Variants in SNX3 observed in about 807,000 individuals in gnomAD.
SNX3 encodes the protein sorting nexin-3.
A neutral mutation model predicts 17.7 loss-of-function variants in SNX3; 5 were observed. The ratio of observed to expected loss-of-function variants is 0.28; its 90% CI spans 0.15 to 0.59. The LOEUF is 0.59. Among genes scored for constraint, SNX3 ranks in the 20% least tolerant of loss-of-function variants. The pLI is 0.88. For missense variants in SNX3, 132 were observed against 206.8 expected (o/e 0.64, Z 2.22); for synonymous variants, 91 against 76.5 (o/e 1.19, Z -0.99).
chr6:108,219,079 G>C lies in SNX3; in HGVS notation c.258+3871C>G, dbSNP rs180802702. Among the ~76,000 whole-genome samples, 118 of 152,306 alleles carry C rather than the reference G, an allele frequency of 7.7e-4. 1 individual carries two copies. The East Asian group carries it at 0.016, about 20-fold the overall frequency. On this transcript the variant is annotated intron_variant, in intron 2 of 3. Transcript: ENST00000230085. ...TACTAAAAACAAAAGCGGTCGGGCG[G>C]GGTGGCTCACGCCTGTAATCCCAGC...
At chr6:108,228,750 C>A (rs560578766) in intron 1 of SNX3, among the ~76,000 whole-genome samples, 210 of 152,050 alleles carry the variant, frequency 1.4e-3, no homozygotes, top group Non-Finnish European at 2.4e-3. Flanking sequence ...CTATTAAATA[C>A]ACATAACTTT....
In SNX3 at chr6:108,214,610, G is replaced by A. The variant is rs1347075391; in HGVS notation, c.271C>T (p.Pro91Ser). 1 of 1,611,772 alleles carries A rather than the reference G, an allele frequency of 6.2e-7. No homozygotes were observed. Among genetic ancestry groups the A allele is most frequent in the Non-Finnish European group, 8.5e-7 (1 of 1,179,490 alleles). Residue 91 changes from proline to serine, a missense_variant, in exon 3 of 4, where the codon CCG becomes TCG. Transcript: ENST00000230085. ...LERESKVVVP[P>S]LPGKAFLRQL... ...CGCAAAAACGCTTTCCCAGGGAGCGGGGGAACTACGACCTAAAATGTGAAG... is the reference window on the plus strand; with the variant it reads ...CGCAAAAACGCTTTCCCAGGGAGCGAGGGAACTACGACCTAAAATGTGAAG...
intron 2 of SNX3, among the ~76,000 whole-genome samples, chr6:108,221,430 T>C (rs1304274890): frequency 6.7e-6 from 1 of 149,624 alleles, no homozygotes; most frequent in Non-Finnish European, 1.5e-5. Context: ...CTGTAACTCC[T>C]AGAACACAAA....
At chr6:108,215,045 G>T (rs1774523709) in intron 2 of SNX3, among the ~76,000 whole-genome samples, 1 of 152,222 alleles carries the variant, frequency 6.6e-6, no homozygotes, top group Non-Finnish European at 1.5e-5. Context: ...TCTGCAACAT[G>T]GTTAGGTAAG....
chr6:108,255,634 A>G (rs1272926895), intron 1 of SNX3, among the ~76,000 whole-genome samples: 1 of 152,156 alleles, frequency 6.6e-6, no homozygotes, highest in Non-Finnish European at 1.5e-5. Flanking sequence ...TACATACAGG[A>G]GCCACCGTGC....
intron 1 of SNX3, among the ~76,000 whole-genome samples, chr6:108,226,026 A>G (rs1290988040): frequency 1.3e-5 from 2 of 149,184 alleles, no homozygotes; most frequent in Non-Finnish European, 3.0e-5. Context: ...AGCATGGGCA[A>G]CAAATGAGAC....
At chr6:108,238,067 A>G (rs1268988651) in intron 1 of SNX3, among the ~76,000 whole-genome samples, 1 of 143,172 alleles carries the variant, frequency 7.0e-6, no homozygotes, top group African/African-American at 2.7e-5. Context: ...GCACCACTGC[A>G]CTCCAGCCTG....
Position 108,223,621 on chromosome 6 carries a change from C to A in SNX3, c.163-576G>T, listed in dbSNP as rs145273105. 5.5e-3 allele frequency among the ~76,000 whole-genome samples: 828 copies of A among 151,286 alleles called. 8 individuals carry two copies. The highest frequency in any genetic ancestry group is 0.019 in the African/African-American group (798 of 40,982). ...CAAGTGATTCTCCTGCCTCAGCCTC[C>A]CAAGTAGCTGGGATTACAGGCACTC... is the stretch of plus-strand genomic sequence containing the variant. On this transcript the variant is annotated intron_variant, in intron 1 of 3. Transcript: ENST00000230085.
At chr6:108,229,804 G>A (rs1008401250) in intron 1 of SNX3, among the ~76,000 whole-genome samples, 1 of 152,180 alleles carries the variant, frequency 6.6e-6, no homozygotes, top group Non-Finnish European at 1.5e-5. Context: ...AAAGCATAGG[G>A]AATGATGGGA....
chr6:108,250,478 T>C (rs907779364), intron 1 of SNX3, among the ~76,000 whole-genome samples: 6 of 152,228 alleles, frequency 3.9e-5, no homozygotes, highest in Non-Finnish European at 7.3e-5. Flanking sequence ...TTTAAACTCC[T>C]CAGTGTCCTA....
intron 1 of SNX3, among the ~76,000 whole-genome samples, chr6:108,241,430 A>G (rs1419206293): frequency 6.6e-6 from 1 of 152,048 alleles, no homozygotes; most frequent in African/African-American, 2.4e-5. Flanking sequence ...CCAAGGTGGG[A>G]GGACTGCTTG....
chr6:108,252,066 A>AAAAT (rs1180234509), intron 1 of SNX3: 10 of 149,964 alleles, frequency 6.7e-5, no homozygotes, highest in South Asian at 2.1e-4. Flanking sequence ...GACTGTCTCA[A>AAAAT]AAATAAATAA....
chr6:108,247,601 T>A (rs1775731427), intron 1 of SNX3, among the ~76,000 whole-genome samples: 1 of 151,954 alleles, frequency 6.6e-6, no homozygotes, highest in African/African-American at 2.4e-5. Flanking sequence ...AGGCTGGTCT[T>A]GAACACCTGG....
intron 1 of SNX3, among the ~76,000 whole-genome samples, chr6:108,250,111 A>G (rs1165418879): frequency 1.3e-5 from 2 of 152,098 alleles, no homozygotes; most frequent in Non-Finnish European, 2.9e-5. Flanking sequence ...GGGTTTTGCC[A>G]TGTTGGTCAG....
At chr6:108,234,238 C>CATATATATATATATATATATAT (rs10655859) in intron 1 of SNX3, among the ~76,000 whole-genome samples, 13 of 148,228 alleles carry the variant, frequency 8.8e-5, no homozygotes, top group African/African-American at 3.2e-4. Context: ...ATATAAAAAA[C>CATATATATATATATATATATAT]ATATATATAT....
intron 1 of SNX3, among the ~76,000 whole-genome samples, chr6:108,224,576 G>A (rs1445490767): frequency 6.6e-6 from 1 of 151,972 alleles, no homozygotes; most frequent in Non-Finnish European, 1.5e-5. Context: ...CACCACACCT[G>A]GCCCACTTAG....
At chr6:108,248,994 A>C (rs550184811) in intron 1 of SNX3, among the ~76,000 whole-genome samples, 54 of 152,282 alleles carry the variant, frequency 3.5e-4, no homozygotes, top group Non-Finnish European at 7.8e-4. Flanking sequence ...ATACCAACTT[A>C]AATATTATTA....
At position 108,248,998 on chromosome 6, in the gene SNX3, A is replaced by G. The variant is rs569930898; in HGVS notation, c.162+11762T>C. Among the ~76,000 whole-genome samples, 10 of 152,264 alleles carry G rather than the reference A, an allele frequency of 6.6e-5. No homozygotes were observed. The East Asian group carries it at 1.9e-3, about 29-fold the overall frequency. ...TAGTTCAACCAATACCAACTTAAAT[A>G]TTATTAAAAATTATTTATACAACTG... On this transcript the variant is annotated intron_variant, in intron 1 of 3. Coordinates refer to ENST00000230085, the MANE Select transcript of SNX3 (RefSeq NM_003795.6).
chr6:108,234,028 A>G (rs1582487837), intron 1 of SNX3, among the ~76,000 whole-genome samples: 2 of 152,102 alleles, frequency 1.3e-5, no homozygotes, highest in Non-Finnish European at 2.9e-5. Flanking sequence ...TATGGACTAC[A>G]GGGATCTCAA....
Sources: gnomAD v4.1 joint callset for allele counts (sites outside exome capture counted in the v4.1 genomes callset) on GRCh38, gnomAD v4.1.1 for gene constraint, MANE v1.5 for transcripts, NCBI Gene and HGNC (gene_info 2026-07-23, HGNC 2026-07-21) for gene names.